Variants in GDA observed in about 807,000 individuals in gnomAD.
GDA encodes the protein cytoplasmic PSD-95 interactor.
Under a neutral mutation model 59.6 loss-of-function variants are expected in GDA, and 18 were observed. The observed-to-expected ratio is 0.30, with a 90% confidence interval of 0.21 to 0.45. The LOEUF (loss-of-function observed/expected upper bound fraction) is 0.45. Among genes scored for constraint, GDA ranks in the 20% least tolerant of loss-of-function variants. The pLI is 1.00. For missense variants in GDA, 427 were observed against 552.3 expected (o/e 0.77, Z 2.27); for synonymous variants, 201 against 201.1 (o/e 1.00, Z 0.00).
chr9:72,186,655 T>A (rs1410163972), intron 1 of GDA, among the ~76,000 whole-genome samples: 2 of 152,218 alleles, frequency 1.3e-5, no homozygotes, highest in Non-Finnish European at 2.9e-5. Context: ...AAAAATCTAT[T>A]AAATACTTGA....
chr9:72,117,529 T>A (rs1825496968), intron 1 of GDA, among the ~76,000 whole-genome samples: 1 of 152,188 alleles, frequency 6.6e-6, no homozygotes, highest in East Asian at 1.9e-4. Flanking sequence ...AGGGTGGCTT[T>A]GATTTCAAGG....
chr9:72,149,655 C>T lies in GDA; in HGVS notation c.96C>T (p.His32=), dbSNP rs1221552689. Residue 32 remains histidine, a synonymous_variant, in exon 1 of 14, where the codon CAC becomes CAT. Coordinates refer to ENST00000358399, the MANE Select transcript of GDA (RefSeq NM_004293.5). ...WTCPMEVLRD[H]LLGVSDSGKI... Reference sequence around the variant, plus strand: ...GCCCCATGGAGGTGCTGCGGGATCACCTCCTCGGCGTGAGCGACAGCGGCA... The same window carrying T: ...GCCCCATGGAGGTGCTGCGGGATCATCTCCTCGGCGTGAGCGACAGCGGCA... 1.2e-6 allele frequency: 2 copies of T among 1,604,922 alleles called. No homozygotes were observed. Among genetic ancestry groups the T allele is most frequent in the Non-Finnish European group, 1.7e-6 (2 of 1,176,618 alleles).
intron 9 of GDA, chr9:72,229,171 TAAAA>T (rs34554102): frequency 2.7e-3 from 114 of 42,268 alleles, no homozygotes; most frequent in East Asian, 4.1e-3. Context: ...CAGTCTCTAC[TAAAA>T]AAAAAAAAAA....
At chr9:72,157,680 C>T (rs1828088965) in intron 1 of GDA, among the ~76,000 whole-genome samples, 1 of 152,172 alleles carries the variant, frequency 6.6e-6, no homozygotes, top group African/African-American at 2.4e-5. Context: ...ACTGAAAACT[C>T]TTTTCTTGGA....
At chr9:72,257,932 GAAAAA>G (rs77904666), downstream of GDA, 3 of 98,446 alleles carry the variant, frequency 3.0e-5, no homozygotes, top group East Asian at 3.2e-4. Flanking sequence ...ACCTAGTCTC[GAAAAA>G]AAAAAAAAAA....
Position 72,210,759 on chromosome 9 carries a change from C to T in GDA, c.457C>T (p.Leu153Phe). Reference sequence around the variant, plus strand: ...AATTCACACTGACTCATCTCTGCTCCTTGCCGACATTACAGGTGAGCAAAT... The same window carrying T: ...AATTCACACTGACTCATCTCTGCTCTTTGCCGACATTACAGGTGAGCAAAT... ...ATIHTDSSLL[L>F]ADITDKFGQR... The change falls in exon 4 of 14, where the codon CTT becomes TTT. Residue 153 changes from leucine (L) to phenylalanine (F), a missense_variant. Physicochemically the swap from Leu to Phe is conservative, Grantham distance 22. Transcript: ENST00000358399. 6.2e-7 allele frequency: 1 copy of T among 1,607,440 alleles called. No homozygotes were observed.
At chr9:72,167,671 G>T (rs972101862) in intron 1 of GDA, among the ~76,000 whole-genome samples, 1 of 152,188 alleles carries the variant, frequency 6.6e-6, no homozygotes, top group African/African-American at 2.4e-5. Context: ...TTTCACAAAT[G>T]AACCTGGAAG....
intron 1 of GDA, among the ~76,000 whole-genome samples, chr9:72,137,242 CTTTTT>C (rs143364725): frequency 1.7e-3 from 141 of 84,506 alleles, no homozygotes; most frequent in African/African-American, 6.4e-3. Context: ...TTCTTTTTTT[CTTTTT>C]TTTTTTTTTT....
chr9:72,124,126 G>A (rs1825768975), intron 1 of GDA, among the ~76,000 whole-genome samples: 2 of 152,092 alleles, frequency 1.3e-5, no homozygotes, highest in African/African-American at 4.8e-5. Flanking sequence ...AAAAAGAAGA[G>A]AAAACATGGA....
At chr9:72,115,098 G>C (rs148686368) in intron 1 of GDA, among the ~76,000 whole-genome samples, 1 of 152,304 alleles carries the variant, frequency 6.6e-6, no homozygotes, top group East Asian at 1.9e-4. Flanking sequence ...AAATTAAGTG[G>C]CATTTTATGA....
At chr9:72,160,863 G>C (rs139085785) in intron 1 of GDA, among the ~76,000 whole-genome samples, 283 of 151,934 alleles carry the variant, frequency 1.9e-3, no homozygotes, top group African/African-American at 6.6e-3. Context: ...CCTTCCATTC[G>C]CTGGATGGAT....
At chr9:72,132,119 C>T (rs1000390138) in intron 1 of GDA, among the ~76,000 whole-genome samples, 1 of 152,126 alleles carries the variant, frequency 6.6e-6, no homozygotes, top group Non-Finnish European at 1.5e-5. Context: ...CCACTGGGTT[C>T]CTCCTGTGAC....
chr9:72,162,718 C>T (rs890095642), intron 1 of GDA, among the ~76,000 whole-genome samples: 12 of 151,290 alleles, frequency 7.9e-5, no homozygotes, highest in African/African-American at 2.7e-4. Context: ...AGTGCGGTGG[C>T]GTGGTCTCGG....
chr9:72,122,283 T>G (rs1460597010), intron 1 of GDA, among the ~76,000 whole-genome samples: 1 of 152,212 alleles, frequency 6.6e-6, no homozygotes. Flanking sequence ...ATTGCTGGGC[T>G]CAATTCTTGG....
intron 1 of GDA, among the ~76,000 whole-genome samples, chr9:72,186,150 A>G (rs985877839): frequency 6.6e-6 from 1 of 152,154 alleles, no homozygotes; most frequent in Non-Finnish European, 1.5e-5. Context: ...TGGGATGAAA[A>G]AGCAGTAGCC....
intron 10 of GDA, among the ~76,000 whole-genome samples, chr9:72,239,082 T>C (rs1839327848): frequency 1.3e-5 from 2 of 152,158 alleles, no homozygotes; most frequent in Non-Finnish European, 2.9e-5. Flanking sequence ...ACATTAAATG[T>C]GTTGTAGATG....
chr9:72,120,549 C>T (rs567257727), intron 1 of GDA, among the ~76,000 whole-genome samples: 1 of 152,294 alleles, frequency 6.6e-6, no homozygotes, highest in African/African-American at 2.4e-5. Context: ...ACAATGAAAT[C>T]AGGAGTCGTT....
At chr9:72,204,913 A>G (rs2131371051) in intron 3 of GDA, among the ~76,000 whole-genome samples, 1 of 152,180 alleles carries the variant, frequency 6.6e-6, no homozygotes, top group East Asian at 1.9e-4. Context: ...GGAGTTTGAG[A>G]CCAGCCTGGC....
chr9:72,164,288 G>GA (rs1829020570), intron 1 of GDA, among the ~76,000 whole-genome samples: 2 of 152,318 alleles, frequency 1.3e-5, no homozygotes, highest in South Asian at 4.1e-4. Context: ...AAGACAACGG[G>GA]AGGGTATTGT....
Sources: gnomAD v4.1 joint callset for allele counts (sites outside exome capture counted in the v4.1 genomes callset) on GRCh38, gnomAD v4.1.1 for gene constraint, MANE v1.5 for transcripts, NCBI Gene and HGNC (gene_info 2026-07-23, HGNC 2026-07-21) for gene names.